Variants in ADGRE3 observed in about 807,000 individuals in gnomAD.
ADGRE3 encodes EGF-like module receptor 3.
Under a neutral mutation model 80.1 loss-of-function variants are expected in ADGRE3, and 88 were observed. The ratio of observed to expected loss-of-function variants is 1.10; its 90% CI spans 0.93 to 1.31. The LOEUF is 1.31. Among genes scored for constraint, ADGRE3 ranks in the 40% most tolerant of loss-of-function variants. The pLI, the probability that ADGRE3 is intolerant of heterozygous loss-of-function variation, is 0.00. For synonymous variants in ADGRE3, 281 were observed against 294.8 expected (o/e 0.95, Z 0.48); for missense variants, 715 against 776.5 (o/e 0.92, Z 0.94).
At chr19:14,656,877 A>T (rs1000299255) in intron 5 of ADGRE3, among the ~76,000 whole-genome samples, 4 of 152,128 alleles carry the variant, frequency 2.6e-5, no homozygotes, top group African/African-American at 9.7e-5. Context: ...ATTTCTTCTT[A>T]ACTCCTATAT....
the ADGRE3 span, among the ~76,000 whole-genome samples, chr19:14,605,204 TCTC>T: frequency 6.6e-6 from 1 of 151,768 alleles, no homozygotes; most frequent in African/African-American, 2.4e-5. Context: ...TTCAAGCAAT[TCTC>T]CTCTCTCAGC....
intron 4 of ADGRE3, among the ~76,000 whole-genome samples, chr19:14,661,682 T>C (rs1971947019): frequency 6.6e-6 from 1 of 152,038 alleles, no homozygotes; most frequent in Non-Finnish European, 1.5e-5. Context: ...CAATAAAAAA[T>C]GAGGAAGGAC....
In ADGRE3 at chr19:14,620,564, ATATATTTTTTTTTTTTTTTTTT is replaced by A. The variant is rs1970568634; in HGVS notation, c.1921-1115_1921-1094del. On this transcript the variant is annotated intron_variant, in intron 15 of 15. Transcript: ENST00000253673. ...ATATATATATTATATATATATATAT[ATATATTTTTTTTTTTTTTTTTT>A]TTTTTTTTTTTGAGACAGGGTTTTG... Among the ~76,000 whole-genome samples, 14 of 34,344 alleles carry A rather than the reference ATATATTTTTTTTTTTTTTTTTT, an allele frequency of 4.1e-4. 2 individuals are homozygous for A. The East Asian group carries it at 0.014, about 34-fold the overall frequency. 22.5% of individuals were successfully genotyped at this position (34,344 alleles called of 152,430 possible). A position where few individuals can be genotyped will look rare whatever the true frequency, so the allele number is the denominator to read the frequency against.
chr19:14,614,258 A>G (rs1440881724), downstream of ADGRE3, among the ~76,000 whole-genome samples: 2 of 152,150 alleles, frequency 1.3e-5, no homozygotes, highest in East Asian at 3.9e-4. Context: ...GGAAGTTCCC[A>G]CATTTCAGAA....
chr19:14,655,058 A>G lies in ADGRE3; in HGVS notation c.501T>C (p.Asp167=), dbSNP rs191423923. ...CAGTTTCTAGAACTTTCGATTCCAC[A>G]TCCCGGAGAATAGTGGTAGCTGTGG... ...ISSTATTILR[D]VESKVLETAL... is the part of the protein sequence containing the mutation. Residue 167 remains aspartate (D), a synonymous_variant, in exon 6 of 16, where the codon GAT becomes GAC. Transcript: ENST00000253673. 19 of 1,614,086 alleles carry G rather than the reference A, an allele frequency of 1.2e-5. No homozygotes were observed. The highest frequency in any genetic ancestry group is 1.7e-5 in the Admixed American group (1 of 60,000).
the ADGRE3 span, chr19:14,610,099 A>G: frequency 3.1e-6 from 5 of 1,613,042 alleles, no homozygotes; most frequent in East Asian, 2.2e-5. Flanking sequence ...AACATCCACG[A>G]TGAGGACTGT....
chr19:14,649,682 C>T (rs1971532398), intron 7 of ADGRE3, among the ~76,000 whole-genome samples: 1 of 21,556 alleles, frequency 4.6e-5, no homozygotes, highest in African/African-American at 2.6e-4. Context: ...TTCTCCCCAT[C>T]TCTCTCTTTC....
At chr19:14,607,378 T>TG in the ADGRE3 span, among the ~76,000 whole-genome samples, 1 of 148,690 alleles carries the variant, frequency 6.7e-6, no homozygotes, top group Non-Finnish European at 1.5e-5. Flanking sequence ...TAATTTTTTG[T>TG]ATTTTTAGTA....
the ADGRE3 span, among the ~76,000 whole-genome samples, chr19:14,600,753 G>A: frequency 2.0e-5 from 3 of 150,268 alleles, no homozygotes; most frequent in Non-Finnish European, 4.4e-5. Context: ...GGCTAATTTT[G>A]TTTTTGTATT....
downstream of ADGRE3, among the ~76,000 whole-genome samples, chr19:14,617,981 ACTTTTGGG>A (rs2033336433): frequency 6.6e-6 from 1 of 152,094 alleles, no homozygotes; most frequent in Non-Finnish European, 1.5e-5. Flanking sequence ...TAGAACTAGA[ACTTTTGGG>A]CATGCACTTG....
intron 14 of ADGRE3, 129 bp from the exon 15 acceptor site, chr19:14,625,728 T>A (rs1188763655): frequency 3.2e-6 from 2 of 630,662 alleles, no homozygotes; most frequent in Non-Finnish European, 5.7e-6. Context: ...GGTCTATTCG[T>A]ACAATGGAAT....
At chr19:14,629,271 T>C (rs1464765021) in intron 14 of ADGRE3, among the ~76,000 whole-genome samples, 1 of 152,232 alleles carries the variant, frequency 6.6e-6, no homozygotes, top group Non-Finnish European at 1.5e-5. Flanking sequence ...GGGTGTTTTT[T>C]TCCATGTAAC....
chr19:14,615,199 CTTCTTTTTT>C (rs1350438542), downstream of ADGRE3, among the ~76,000 whole-genome samples: 4 of 91,024 alleles, frequency 4.4e-5, no homozygotes, highest in Non-Finnish European at 9.5e-5. Context: ...CTACAGCTGC[CTTCTTTTTT>C]TTTTTTTTTT....
intron 1 of ADGRE3, 117 bp downstream of exon 1, chr19:14,674,629 A>G: frequency 9.9e-7 from 1 of 1,009,474 alleles, no homozygotes. Context: ...TCCAAAGGGA[A>G]AAGGTGAGAG....
intron 1 of ADGRE3, among the ~76,000 whole-genome samples, chr19:14,669,125 A>T (rs1231432409): frequency 2.0e-5 from 3 of 152,218 alleles, no homozygotes; most frequent in Non-Finnish European, 4.4e-5. Flanking sequence ...CATTTACAGC[A>T]GCATTATTCA....
At position 14,638,004 on chromosome 19, in the gene ADGRE3, A is replaced by C. The variant is rs551909949; in HGVS notation, c.1484+101T>G. The C allele has an allele frequency of 5.9e-4, 480 of 813,056 alleles. 2 individuals are homozygous for C. The African/African-American group carries it at 6.8e-3, about 12-fold the overall frequency. 50.4% of individuals were successfully genotyped at this position (813,056 alleles called of 1,614,324 possible). On this transcript the variant is annotated intron_variant, in intron 11 of 15. Transcript: ENST00000253673. ...TTAGAGCTGTTATAAAGGAGAACGTAGAGTGCATTGGTTACGTATATTCCC... is the reference window on the plus strand; with the variant it reads ...TTAGAGCTGTTATAAAGGAGAACGTCGAGTGCATTGGTTACGTATATTCCC...
chr19:14,626,029 C>T (rs1164955738), intron 14 of ADGRE3, among the ~76,000 whole-genome samples: 1 of 152,102 alleles, frequency 6.6e-6, no homozygotes, highest in African/African-American at 2.4e-5. Context: ...GGTTGCACCA[C>T]ATTGCGAATG....
chr19:14,603,417 G>A, the ADGRE3 span, among the ~76,000 whole-genome samples: 1 of 152,120 alleles, frequency 6.6e-6, no homozygotes, highest in Admixed American at 6.6e-5. Context: ...TTGCTTCAGT[G>A]AGTCATGATA....
chr19:14,658,322 G>GATATTATATGGTA (rs1971833142), intron 5 of ADGRE3, among the ~76,000 whole-genome samples, 191 bp downstream of exon 5: 5 of 149,524 alleles, frequency 3.3e-5, no homozygotes, highest in African/African-American at 1.2e-4. Flanking sequence ...GTAGTAATAT[G>GATATTATATGGTA]ATATTATATG....
Sources: allele counts gnomAD v4.1 joint callset (sites outside exome capture counted in the v4.1 genomes callset), GRCh38; gene constraint gnomAD v4.1.1; transcripts MANE v1.5; gene names NCBI Gene and HGNC (gene_info 2026-07-23, HGNC 2026-07-21).